PAFAH2: variants seen among roughly 807,000 people sequenced by gnomAD.
PAFAH2 encodes platelet-activating factor acetylhydrolase 2, cytoplasmic.
PAFAH2 carries 42 observed loss-of-function variants against 49.0 expected under a neutral mutation model. The observed-to-expected ratio is 0.86, with a 90% CI of 0.67 to 1.11. The LOEUF (loss-of-function observed/expected upper bound fraction) is 1.11. Among genes scored for constraint, PAFAH2 ranks in the 50% least tolerant of loss-of-function variants. The probability of loss-of-function intolerance (pLI) is 0.00; values close to 1 mark genes in which losing one functional copy is unlikely to be tolerated. For missense variants in PAFAH2, 503 were observed against 501.8 expected (o/e 1.00, Z -0.02); for synonymous variants, 184 against 181.3 (o/e 1.01, Z -0.12).
At chr1:25,978,990 C>A (rs1355044473) in intron 7 of PAFAH2, among the ~76,000 whole-genome samples, 1 of 152,188 alleles carries the variant, frequency 6.6e-6, no homozygotes, top group Non-Finnish European at 1.5e-5. Context: ...TAACACTGTC[C>A]ATCTATCATG....
At chr1:25,990,248 A>G (rs2049852924) in intron 2 of PAFAH2, among the ~76,000 whole-genome samples, 1 of 152,110 alleles carries the variant, frequency 6.6e-6, no homozygotes, top group East Asian at 1.9e-4. Context: ...CTATATATAC[A>G]TATATATAAG....
chr1:25,981,787 G>A (rs896089791), intron 7 of PAFAH2, among the ~76,000 whole-genome samples: 5 of 152,240 alleles, frequency 3.3e-5, no homozygotes, highest in African/African-American at 9.6e-5. Context: ...TAGGGAGGCC[G>A]AGGCGGGCGG....
At chr1:25,990,081 AG>A (rs1021601163) in intron 2 of PAFAH2, among the ~76,000 whole-genome samples, 4 of 152,110 alleles carry the variant, frequency 2.6e-5, no homozygotes, top group African/African-American at 9.7e-5. Context: ...CAAGGGAGAC[AG>A]GAAGTCCAAG....
intron 1 of PAFAH2, among the ~76,000 whole-genome samples, chr1:25,994,733 T>C (rs1569589421): frequency 6.6e-6 from 1 of 152,030 alleles, no homozygotes; most frequent in East Asian, 1.9e-4. Context: ...TGGGAACAGA[T>C]TTTTGTCTCA....
At position 25,977,846 on chromosome 1, in the gene PAFAH2, T is replaced by A. The variant is rs572469048; in HGVS notation, c.667-1073A>T. 2.0e-5 allele frequency among the ~76,000 whole-genome samples: 3 copies of A among 152,266 alleles called. No homozygotes were observed. In the East Asian group the frequency reaches 5.8e-4, roughly 29 times the overall value. ...AGGGTGAAACGGGGATGCTCCTTGC[T>A]GCCCATCCATTGTACTCTGGAGCAA... On this transcript the variant is annotated intron_variant, in intron 7 of 10. Transcript: ENST00000374282.
chr1:25,989,359 A>G (rs2049837680), intron 3 of PAFAH2, 89 bp downstream of exon 3: 3 of 1,255,746 alleles, frequency 2.4e-6, no homozygotes, highest in Non-Finnish European at 2.1e-6. Context: ...TGGACACTGC[A>G]GGCTATAAGG....
intron 10 of PAFAH2, among the ~76,000 whole-genome samples, chr1:25,965,890 C>T (rs1349407466): frequency 1.1e-5 from 1 of 92,678 alleles, no homozygotes; most frequent in African/African-American, 3.9e-5. Context: ...AAAAAAAACA[C>T]ATAATCCCAT....
chr1:25,979,892 T>C (rs563407097), intron 7 of PAFAH2, among the ~76,000 whole-genome samples: 13 of 152,250 alleles, frequency 8.5e-5, no homozygotes, highest in African/African-American at 3.1e-4. Context: ...TCCCAAACTG[T>C]TGGGATTACA....
intron 10 of PAFAH2, among the ~76,000 whole-genome samples, chr1:25,965,892 T>C (rs2049414081): frequency 1.5e-5 from 1 of 64,684 alleles, no homozygotes; most frequent in African/African-American, 6.0e-5. Flanking sequence ...AAAAAACACA[T>C]AATCCCATTA....
At chr1:25,965,404 A>G (rs1429568439) in intron 10 of PAFAH2, among the ~76,000 whole-genome samples, 2 of 152,258 alleles carry the variant, frequency 1.3e-5, no homozygotes, top group African/African-American at 4.8e-5. Flanking sequence ...ATGAGACTGA[A>G]TTAAACTAAA....
chr1:25,967,433 G>A (rs2049443742), intron 10 of PAFAH2, among the ~76,000 whole-genome samples: 1 of 152,152 alleles, frequency 6.6e-6, no homozygotes, highest in African/African-American at 2.4e-5. Context: ...AGAGGTCCAG[G>A]CACTGGGCCC....
Position 25,974,558 on chromosome 1 carries a change from T to C in PAFAH2, c.851A>G (p.Lys284Arg). 1 of 1,614,076 alleles carries C rather than the reference T, an allele frequency of 6.2e-7. No homozygotes were observed. Among genetic ancestry groups the C allele is most frequent in the East Asian group, 2.2e-5 (1 of 44,880 alleles). ...RGPVFFINTEKFQTMESVNLM... is the reference protein window; with the variant it reads ...RGPVFFINTERFQTMESVNLM... Reference sequence around the variant, plus strand: ...ATTGACACTCTCCATTGTCTGGAATTTCTCAGTATTGATAAAGAACACAGG... The same window carrying C: ...ATTGACACTCTCCATTGTCTGGAATCTCTCAGTATTGATAAAGAACACAGG... Residue 284 changes from lysine to arginine, a missense_variant, in exon 9 of 11, where the codon AAA becomes AGA. Transcript: ENST00000374282.
intron 1 of PAFAH2, among the ~76,000 whole-genome samples, chr1:25,995,446 A>G (rs1468706440): frequency 6.6e-6 from 1 of 152,180 alleles, no homozygotes; most frequent in Non-Finnish European, 1.5e-5. Flanking sequence ...CTAGTGATCA[A>G]TTCGTTTGTA....
rs1239365247 is a variant in PAFAH2 at position 25,961,707 on chromosome 1, G to A, written c.*282C>T. 6 of 302,370 alleles carry A rather than the reference G, an allele frequency of 2.0e-5. No homozygotes were observed. In the South Asian group the frequency reaches 3.0e-4, roughly 15 times the overall value. The allele number at this position is 302,370 out of a possible 1,614,324, so 18.7% of individuals were successfully genotyped here. On this transcript the variant is annotated 3_prime_UTR_variant, in exon 11 of 11. Transcript: ENST00000374282. ...ATCCAGGCCTCACAGTGCTCAGCCC[G>A]GGGCCTGGGTCTCCCCCAGTCCCAC...
intron 4 of PAFAH2, among the ~76,000 whole-genome samples, chr1:25,985,016 G>A (rs967092728): frequency 6.6e-5 from 10 of 151,832 alleles, no homozygotes; most frequent in African/African-American, 1.9e-4. Flanking sequence ...CACCATGCCC[G>A]GCTAATTTTT....
intron 10 of PAFAH2, among the ~76,000 whole-genome samples, chr1:25,967,887 T>G (rs2049450372): frequency 6.6e-6 from 1 of 152,022 alleles, no homozygotes; most frequent in Non-Finnish European, 1.5e-5. Context: ...AAAGAGGGGC[T>G]GGGCATGGTA....
At chr1:25,973,065 A>G (rs967562772) in intron 9 of PAFAH2, among the ~76,000 whole-genome samples, 1 of 152,198 alleles carries the variant, frequency 6.6e-6, no homozygotes, top group South Asian at 2.1e-4. Flanking sequence ...TGGCATTTCT[A>G]TGTTACTACA....
intron 4 of PAFAH2, among the ~76,000 whole-genome samples, chr1:25,985,307 C>T (rs1020091357): frequency 2.0e-5 from 3 of 152,208 alleles, no homozygotes; most frequent in Non-Finnish European, 4.4e-5. Context: ...CAATGGCACA[C>T]TGAGAATGGT....
chr1:25,969,780 G>A (rs750962917), intron 10 of PAFAH2, among the ~76,000 whole-genome samples: 3 of 152,150 alleles, frequency 2.0e-5, no homozygotes, highest in South Asian at 2.1e-4. Flanking sequence ...GAGCCCAATC[G>A]TGCCATGGTG....
Sources: allele counts gnomAD v4.1 joint callset (sites outside exome capture counted in the v4.1 genomes callset), GRCh38; gene constraint gnomAD v4.1.1; transcripts MANE v1.5; gene names NCBI Gene and HGNC (gene_info 2026-07-23, HGNC 2026-07-21).